RELN: variants seen among roughly 807,000 people sequenced by gnomAD.
The protein encoded by RELN is reelin.
RELN carries 108 observed loss-of-function variants against 427.6 expected under a neutral mutation model. The observed-to-expected ratio is 0.25, with a 90% CI of 0.22 to 0.30. The LOEUF (loss-of-function observed/expected upper bound fraction) is 0.30, where lower values mean the gene tolerates loss of function less well. RELN is among the 10% of genes least tolerant of loss of function. RELN has a pLI of 1.00. For synonymous variants in RELN, 1,524 were observed against 1,513.4 expected, an observed-to-expected ratio of 1.01 and a Z score of -0.16; for missense variants, 3,715 against 4,302.8, an observed-to-expected ratio of 0.86 and a Z score of 3.82.
At chr7:103,855,936 T>C (rs1417271446) in intron 2 of RELN, among the ~76,000 whole-genome samples, 1 of 152,120 alleles carries the variant, frequency 6.6e-6, no homozygotes, top group Admixed American at 6.6e-5. Context: ...CACTATGAAG[T>C]ACTAGGGGTC....
At chr7:103,685,693 T>C (rs1324520863) in intron 10 of RELN, among the ~76,000 whole-genome samples, 2 of 152,282 alleles carry the variant, frequency 1.3e-5, no homozygotes, top group East Asian at 1.9e-4. Context: ...TAAGTACTAG[T>C]AGGTTACCGA....
intron 10 of RELN, 44 bp downstream of exon 10, chr7:103,697,809 A>G: frequency 1.2e-6 from 2 of 1,612,780 alleles, no homozygotes; most frequent in Non-Finnish European, 1.7e-6. Context: ...TTTAGAAAGG[A>G]GATGAAGGAT....
intron 1 of RELN, among the ~76,000 whole-genome samples, chr7:103,965,294 T>C (rs1384627100): frequency 2.0e-5 from 3 of 152,202 alleles, no homozygotes; most frequent in African/African-American, 4.8e-5. Context: ...ATAAATGTTA[T>C]AAATTAATAT....
At position 103,636,437 on chromosome 7, in the gene RELN, C is replaced by T. The variant is rs2117351742; in HGVS notation, c.2101G>A (p.Glu701Lys). The part of the protein sequence containing the change: ...CDPGFSGPAC[E>K]MASQTFPMFI... ...ATTGGGAATGTCTGGGATGCCATCT[C>T]ACAAGCTGGGCCAGAAAATCCAGGG... is the stretch of plus-strand genomic sequence containing the variant. The change falls in exon 18 of 65, where the codon GAG (glutamate) becomes AAG (lysine). Residue 701 changes from glutamate (E) to lysine (K), a missense_variant. Physicochemically the swap from Glu to Lys is moderately conservative, Grantham distance 56. Transcript: ENST00000428762. 6.2e-7 allele frequency: 1 copy of T among 1,613,764 alleles called. No individual in the cohort carries two copies. Among genetic ancestry groups the T allele is most frequent in the East Asian group, 2.2e-5 (1 of 44,824 alleles).
intron 1 of RELN, among the ~76,000 whole-genome samples, chr7:103,969,344 A>C (rs1796717410): frequency 6.6e-6 from 1 of 152,244 alleles, no homozygotes; most frequent in South Asian, 2.1e-4. Context: ...AATGCCATAA[A>C]AATATTTCCT....
chr7:103,687,507 TG>T (rs1210103517), intron 10 of RELN, among the ~76,000 whole-genome samples: 1 of 152,182 alleles, frequency 6.6e-6, no homozygotes, highest in Non-Finnish European at 1.5e-5. Context: ...GCAGGGAACA[TG>T]CCTAAAGATT....
intron 11 of RELN, 61 bp from the exon 12 acceptor site, chr7:103,661,588 A>C (rs1161928354): frequency 7.3e-6 from 11 of 1,498,330 alleles, no homozygotes; most frequent in African/African-American, 6.9e-5. Flanking sequence ...TTTATAAAGA[A>C]TAACATTTAG....
intron 2 of RELN, among the ~76,000 whole-genome samples, chr7:103,842,597 G>GCTA (rs1427585809): frequency 6.6e-6 from 1 of 152,152 alleles, no homozygotes; most frequent in African/African-American, 2.4e-5. Context: ...GTAGAGTAAT[G>GCTA]CTACAAGATA....
At chr7:103,619,925 C>T (rs573537706) in intron 20 of RELN, among the ~76,000 whole-genome samples, 79 of 152,222 alleles carry the variant, frequency 5.2e-4, no homozygotes, top group African/African-American at 1.8e-3. Context: ...GGCAACACTT[C>T]CCTGCCACTA....
chr7:103,973,595 T>C (rs186138538), intron 1 of RELN, among the ~76,000 whole-genome samples: 7 of 152,152 alleles, frequency 4.6e-5, no homozygotes, highest in Non-Finnish European at 1.0e-4. Flanking sequence ...ACAAAAATAT[T>C]GATCATAACG....
intron 16 of RELN, among the ~76,000 whole-genome samples, chr7:103,649,273 G>A (rs77399644): frequency 0.035 from 5,339 of 152,010 alleles, 149 homozygotes; most frequent in East Asian, 0.14. Context: ...GAATGAAATC[G>A]TGTCTTTTGC....
At chr7:103,860,579 T>C (rs1384149639) in intron 2 of RELN, among the ~76,000 whole-genome samples, 2 of 152,144 alleles carry the variant, frequency 1.3e-5, no homozygotes, top group Non-Finnish European at 2.9e-5. Context: ...CTCTGTGAAA[T>C]AGCAGCAGCA....
At chr7:103,684,834 G>A (rs1833730895) in intron 10 of RELN, among the ~76,000 whole-genome samples, 1 of 152,114 alleles carries the variant, frequency 6.6e-6, no homozygotes, top group African/African-American at 2.4e-5. Context: ...TCAAAACCAT[G>A]CTATTATATT....
chr7:103,679,711 TG>T (rs1205632115), intron 11 of RELN, among the ~76,000 whole-genome samples: 1 of 152,144 alleles, frequency 6.6e-6, no homozygotes, highest in African/African-American at 2.4e-5. Flanking sequence ...TTTTTTTGTT[TG>T]GGGGAAATGA....
chr7:103,639,775 T>C (rs1206434934), intron 17 of RELN, among the ~76,000 whole-genome samples: 4 of 152,204 alleles, frequency 2.6e-5, no homozygotes, highest in African/African-American at 9.6e-5. Flanking sequence ...AATTGATTAA[T>C]TACTCTTTTT....
intron 64 of RELN, among the ~76,000 whole-genome samples, chr7:103,474,282 T>C (rs1445601155): frequency 1.3e-5 from 2 of 152,068 alleles, no homozygotes; most frequent in Non-Finnish European, 2.9e-5. Flanking sequence ...AAAATATTGA[T>C]ACAAAGACAT....
Position 103,843,154 on chromosome 7 carries a change from G to A in RELN, c.338-9482C>T, listed in dbSNP as rs533587881. Among the ~76,000 whole-genome samples the A allele has an allele frequency of 3.6e-4, 55 of 152,166 alleles. 1 individual carries two copies. The South Asian group carries it at 0.011, about 30-fold the overall frequency. ...GTGTACGGCACACAGTGTTGTACATGTTGGCTATTATTATCATTCCCATTT... is the reference window on the plus strand; with the variant it reads ...GTGTACGGCACACAGTGTTGTACATATTGGCTATTATTATCATTCCCATTT... On this transcript the variant is annotated intron_variant, in intron 2 of 64. Transcript: ENST00000428762.
intron 6 of RELN, among the ~76,000 whole-genome samples, chr7:103,747,628 G>A (rs78047014): frequency 0.018 from 2,486 of 141,800 alleles, 61 homozygotes; most frequent in African/African-American, 0.064. Flanking sequence ...CAGTTTCACC[G>A]TTCCCTACTC....
At chr7:103,896,787 T>A in intron 2 of RELN, among the ~76,000 whole-genome samples, 1 of 152,098 alleles carries the variant, frequency 6.6e-6, no homozygotes, top group Non-Finnish European at 1.5e-5. Flanking sequence ...TCAATTTTGA[T>A]GTACGTTTGA....
Sources: allele counts gnomAD v4.1 joint callset (sites outside exome capture counted in the v4.1 genomes callset), GRCh38; gene constraint gnomAD v4.1.1; transcripts MANE v1.5; gene names NCBI Gene and HGNC (gene_info 2026-07-23, HGNC 2026-07-21).